The following TBC1D5 variants were observed in gnomAD, a reference collection of about 807,000 sequenced individuals.
TBC1D5 encodes the protein TBC1 domain family member 5, also known as TBC1 domain family, member 5.
Under a neutral mutation model 100.3 loss-of-function variants are expected in TBC1D5, and 75 were observed. That is an observed-to-expected ratio of 0.75 (90% CI 0.62 to 0.91). TBC1D5 has a LOEUF of 0.91. TBC1D5 is among the 40% of genes least tolerant of loss of function. The pLI is 0.00. For missense variants in TBC1D5, 910 were observed against 942.4 expected (o/e 0.97, Z 0.45); for synonymous variants, 323 against 325.6 (o/e 0.99, Z 0.09).
chr3:17,618,714 T>C (rs1471759509), intron 2 of TBC1D5, among the ~76,000 whole-genome samples: 4 of 152,256 alleles, frequency 2.6e-5, no homozygotes. Flanking sequence ...GAGCCAGGAA[T>C]GGGAGAGAAT....
At chr3:17,723,780 G>A (rs1179277737) in intron 1 of TBC1D5, among the ~76,000 whole-genome samples, 1 of 152,062 alleles carries the variant, frequency 6.6e-6, no homozygotes, top group East Asian at 1.9e-4. Flanking sequence ...TATTGTCGGT[G>A]GGGCTTGCAG....
chr3:17,715,656 T>C (rs1395193645), intron 1 of TBC1D5, among the ~76,000 whole-genome samples: 1 of 151,986 alleles, frequency 6.6e-6, no homozygotes, highest in African/African-American at 2.4e-5. Flanking sequence ...ACAAAAAAAT[T>C]AGCCAGGCCT....
intron 2 of TBC1D5, among the ~76,000 whole-genome samples, chr3:17,563,793 T>G (rs1025336373): frequency 2.0e-5 from 3 of 152,028 alleles, no homozygotes; most frequent in East Asian, 1.9e-4. Flanking sequence ...GTTTTTTTGG[T>G]TTTTTTTGAG....
At chr3:17,616,401 G>T (rs1254622115) in intron 2 of TBC1D5, among the ~76,000 whole-genome samples, 2 of 151,694 alleles carry the variant, frequency 1.3e-5, no homozygotes, top group Non-Finnish European at 2.9e-5. Flanking sequence ...ATGTCTATTA[G>T]ATCCAATTAG....
chr3:17,335,851 T>C (rs985857905), intron 13 of TBC1D5, among the ~76,000 whole-genome samples: 4 of 152,172 alleles, frequency 2.6e-5, no homozygotes, highest in Non-Finnish European at 4.4e-5. Flanking sequence ...GGAGGTCTTA[T>C]GTTGGCACAG....
intron 9 of TBC1D5, among the ~76,000 whole-genome samples, chr3:17,378,779 T>C (rs965100328): frequency 5.9e-5 from 9 of 151,440 alleles, no homozygotes; most frequent in African/African-American, 2.2e-4. Flanking sequence ...TTTTTTTTTT[T>C]CAGTTAATTC....
At chr3:17,556,469 T>G (rs766977363) in intron 2 of TBC1D5, among the ~76,000 whole-genome samples, 1 of 152,156 alleles carries the variant, frequency 6.6e-6, no homozygotes, top group African/African-American at 2.4e-5. Flanking sequence ...GACATTACAA[T>G]AACTACTAAG....
intron 2 of TBC1D5, among the ~76,000 whole-genome samples, chr3:17,540,494 G>A (rs1434401957): frequency 6.6e-6 from 1 of 152,026 alleles, no homozygotes; most frequent in African/African-American, 2.4e-5. Flanking sequence ...GTTAATTTTT[G>A]TATACTGTGT....
intron 14 of TBC1D5, among the ~76,000 whole-genome samples, chr3:17,295,355 G>GTT (rs1232097517): frequency 6.6e-6 from 1 of 152,164 alleles, no homozygotes; most frequent in African/African-American, 2.4e-5. Context: ...CAGGGTTTCT[G>GTT]TAAGAGTGGG....
intron 3 of TBC1D5, among the ~76,000 whole-genome samples, chr3:17,481,804 G>T (rs184562976): frequency 6.6e-6 from 1 of 152,138 alleles, no homozygotes; most frequent in Non-Finnish European, 1.5e-5. Context: ...GGAATGGCAC[G>T]ATCTTGGCTC....
intron 1 of TBC1D5, among the ~76,000 whole-genome samples, chr3:17,657,537 A>G (rs1219424668): frequency 1.3e-5 from 2 of 151,870 alleles, no homozygotes; most frequent in East Asian, 1.9e-4. Context: ...GGGTTTCACC[A>G]TGTTGGCCAG....
chr3:17,231,794 C>T (rs1252296097), intron 17 of TBC1D5, among the ~76,000 whole-genome samples: 2 of 152,126 alleles, frequency 1.3e-5, no homozygotes, highest in African/African-American at 2.4e-5. Context: ...AAATCATCAC[C>T]ACAGACTAAA....
chr3:17,691,734 T>C (rs1260592177), intron 1 of TBC1D5, among the ~76,000 whole-genome samples: 2 of 151,788 alleles, frequency 1.3e-5, no homozygotes, highest in South Asian at 2.1e-4. Context: ...GGAGAATCAC[T>C]TGAACCCGTG....
In TBC1D5 at chr3:17,508,723, G is replaced by C; in HGVS notation, c.-35-118C>G. The C allele has an allele frequency of 1.1e-5, 5 of 472,652 alleles. No homozygotes were observed. The Admixed American group carries it at 1.2e-4, about 12-fold the overall frequency. The allele number at this position is 472,652 out of a possible 1,614,324, so 29.3% of individuals were successfully genotyped here. A position where few individuals can be genotyped will look rare whatever the true frequency, so the allele number is the denominator to read the frequency against. On this transcript the variant is annotated intron_variant, in intron 2 of 21. Coordinates refer to ENST00000253692, the Ensembl canonical transcript of TBC1D5. ...ACAGACATTAACAAGTTTTTCCCAG[G>C]CTCCAGGGACTGTTATCTCACATTG...
intron 13 of TBC1D5, among the ~76,000 whole-genome samples, chr3:17,354,701 A>G (rs1379621536): frequency 1.3e-5 from 2 of 152,084 alleles, no homozygotes; most frequent in East Asian, 3.9e-4. Flanking sequence ...ACTAGAGGAA[A>G]TATGAAAAAA....
At chr3:17,659,934 C>T (rs754141975) in intron 1 of TBC1D5, among the ~76,000 whole-genome samples, 3 of 152,022 alleles carry the variant, frequency 2.0e-5, no homozygotes, top group Admixed American at 2.0e-4. Context: ...CATGGCAAGA[C>T]AAACCACTGA....
chr3:17,533,070 CACAG>C, intron 2 of TBC1D5, among the ~76,000 whole-genome samples: 1 of 117,028 alleles, frequency 8.5e-6, no homozygotes, highest in Non-Finnish European at 1.8e-5. Context: ...CACACACATA[CACAG>C]ACACACACAC....
intron 2 of TBC1D5, among the ~76,000 whole-genome samples, chr3:17,590,117 C>T (rs1340912802): frequency 6.6e-6 from 1 of 152,196 alleles, no homozygotes; most frequent in Non-Finnish European, 1.5e-5. Context: ...TCCCAGCGGG[C>T]CCCAGAGGTG....
intron 1 of TBC1D5, among the ~76,000 whole-genome samples, chr3:17,697,866 C>G (rs1223013142): frequency 6.6e-6 from 1 of 152,012 alleles, no homozygotes; most frequent in African/African-American, 2.4e-5. Context: ...CACTACAAGG[C>G]TACAGTAACC....
Sources: allele counts gnomAD v4.1 joint callset (sites outside exome capture counted in the v4.1 genomes callset), GRCh38; gene constraint gnomAD v4.1.1; transcripts MANE v1.5; gene names NCBI Gene and HGNC (gene_info 2026-07-23, HGNC 2026-07-21).